DACH2: variants seen among roughly 807,000 people sequenced by gnomAD.
DACH2 encodes dachshund family transcription factor 2, also known as dachshund homolog 2.
In DACH2, 17 loss-of-function variants were observed where a neutral mutation model predicts 35.8. The ratio of observed to expected loss-of-function variants is 0.48; its 90% confidence interval spans 0.33 to 0.71. DACH2 has a LOEUF of 0.71. Among genes scored for constraint, DACH2 ranks in the 30% least tolerant of loss-of-function variants. DACH2 has a pLI of 0.02. For missense variants in DACH2, 469 were observed against 472.7 expected, an observed-to-expected ratio of 0.99 and a Z score of 0.07; for synonymous variants, 195 against 177.3, an observed-to-expected ratio of 1.10 and a Z score of -0.79.
chrX:86,535,976 C>T (rs910825507), intron 3 of DACH2, among the ~76,000 whole-genome samples: 3 of 110,751 alleles, frequency 2.7e-5, no homozygotes, highest in East Asian at 2.9e-4. Context: ...GACAGGATCT[C>T]ACAGGATTTT....
chrX:86,761,229 G>A (rs906342782), intron 7 of DACH2, among the ~76,000 whole-genome samples: 2 of 109,939 alleles, frequency 1.8e-5, no homozygotes, highest in Non-Finnish European at 3.8e-5. Context: ...AGTGTGTGAT[G>A]TTCCCCTCCC....
rs771098611 is a variant in DACH2, at chrX:86,494,958, A to C, written c.528-19321A>C. ...GAAACAGGTGAAATTAATTTTAACAAGTTTTGTTTAACCCAATATAGCCAA... is the reference window on the plus strand; with the variant it reads ...GAAACAGGTGAAATTAATTTTAACACGTTTTGTTTAACCCAATATAGCCAA... On this transcript the variant is annotated intron_variant, in intron 2 of 11. Transcript: ENST00000373125. Among the ~76,000 whole-genome samples the C allele has an allele frequency of 9.9e-4, 112 of 112,776 alleles. 1 individual carries two copies. The highest frequency in any genetic ancestry group is 3.3e-3 in the African/African-American group (103 of 31,159).
intron 7 of DACH2, among the ~76,000 whole-genome samples, chrX:86,784,145 A>T (rs914449233): frequency 2.8e-4 from 30 of 106,710 alleles, no homozygotes; most frequent in Admixed American, 1.4e-3. Flanking sequence ...GATAAAAATT[A>T]AAAAAAAAAC....
chrX:86,611,536 G>A (rs762988973), intron 3 of DACH2, among the ~76,000 whole-genome samples: 1 of 111,161 alleles, frequency 9.0e-6, no homozygotes, highest in Non-Finnish European at 1.9e-5. Context: ...AGTTTGTTTA[G>A]GGCCTCAGAT....
chrX:86,655,253 A>C (rs188248259), intron 4 of DACH2, among the ~76,000 whole-genome samples: 1 of 112,042 alleles, frequency 8.9e-6, no homozygotes, highest in Non-Finnish European at 1.9e-5. Context: ...GAGAAACATT[A>C]AAACTTTGTT....
At chrX:86,457,706 G>A (rs1022641419) in intron 2 of DACH2, among the ~76,000 whole-genome samples, 1 of 112,070 alleles carries the variant, frequency 8.9e-6, no homozygotes, top group Non-Finnish European at 1.9e-5. Flanking sequence ...AGTCAAGGGA[G>A]GAATGAGAAT....
At chrX:86,509,321 A>G (rs755211534) in intron 2 of DACH2, among the ~76,000 whole-genome samples, 1 of 112,135 alleles carries the variant, frequency 8.9e-6, no homozygotes, top group East Asian at 2.8e-4. Context: ...GAGCTGATTG[A>G]TGCCCAGTTT....
intron 2 of DACH2, among the ~76,000 whole-genome samples, chrX:86,494,136 A>T (rs961698080): frequency 3.6e-5 from 4 of 111,962 alleles, no homozygotes; most frequent in Non-Finnish European, 7.5e-5. Context: ...TGGCAGTGAA[A>T]CCTCTATGAT....
At chrX:86,729,096 G>A (rs747695420) in intron 6 of DACH2, among the ~76,000 whole-genome samples, 2 of 112,275 alleles carry the variant, frequency 1.8e-5, no homozygotes, top group Non-Finnish European at 3.8e-5. Context: ...ACAACAACCT[G>A]TGAGAGCAGC....
At chrX:86,661,779 G>A (rs1001941075) in intron 4 of DACH2, among the ~76,000 whole-genome samples, 1 of 112,010 alleles carries the variant, frequency 8.9e-6, no homozygotes, top group Non-Finnish European at 1.9e-5. Context: ...CATTTCCAAA[G>A]TGAATTTTGT....
At chrX:86,345,776 C>T (rs914907189) in intron 1 of DACH2, among the ~76,000 whole-genome samples, 17 of 111,497 alleles carry the variant, frequency 1.5e-4, no homozygotes, top group East Asian at 5.7e-4. Flanking sequence ...CAAAATGAGA[C>T]GGCCTTATCT....
intron 1 of DACH2, among the ~76,000 whole-genome samples, chrX:86,166,857 T>C (rs1436089933): frequency 8.9e-6 from 1 of 111,815 alleles, no homozygotes; most frequent in Non-Finnish European, 1.9e-5. Flanking sequence ...TGACATGATG[T>C]GTCAAAACGA....
intron 4 of DACH2, among the ~76,000 whole-genome samples, chrX:86,652,047 T>G (rs1278202018): frequency 8.9e-6 from 1 of 111,836 alleles, no homozygotes; most frequent in Non-Finnish European, 1.9e-5. Flanking sequence ...ACTTGGATAC[T>G]AAAGATAGTA....
intron 6 of DACH2, among the ~76,000 whole-genome samples, chrX:86,716,011 C>T (rs1219685047): frequency 9.0e-6 from 1 of 111,421 alleles, no homozygotes; most frequent in Non-Finnish European, 1.9e-5. Context: ...AAAGCATAAC[C>T]TTTGTAAGAA....
intron 1 of DACH2, among the ~76,000 whole-genome samples, chrX:86,197,465 C>A (rs1343100957): frequency 3.6e-5 from 4 of 111,005 alleles, no homozygotes; most frequent in Non-Finnish European, 7.6e-5. Context: ...TGATGAATGG[C>A]AAGTTGGATA....
At chrX:86,594,063 T>A (rs2039682573) in intron 3 of DACH2, among the ~76,000 whole-genome samples, 1 of 111,819 alleles carries the variant, frequency 8.9e-6, no homozygotes, top group Non-Finnish European at 1.9e-5. Flanking sequence ...TTTCTTCTTG[T>A]GTGAATTTTG....
chrX:86,277,429 T>C (rs1156426318), intron 1 of DACH2, among the ~76,000 whole-genome samples: 1 of 112,279 alleles, frequency 8.9e-6, no homozygotes, highest in Non-Finnish European at 1.9e-5. Flanking sequence ...AATGTGGTTA[T>C]GTTATACATC....
chrX:86,402,401 G>A (rs1015337556), intron 2 of DACH2, among the ~76,000 whole-genome samples: 2 of 111,642 alleles, frequency 1.8e-5, no homozygotes, highest in African/African-American at 6.5e-5. Flanking sequence ...CAGGCTGAGA[G>A]TCAAATCAGG....
At chrX:86,732,998 G>A (rs988491252) in intron 6 of DACH2, among the ~76,000 whole-genome samples, 3 of 111,324 alleles carry the variant, frequency 2.7e-5, no homozygotes, top group African/African-American at 9.8e-5. Context: ...TGAGCCTGAT[G>A]GGGGCTGGAG....
Sources: allele counts gnomAD v4.1 joint callset (sites outside exome capture counted in the v4.1 genomes callset), GRCh38; gene constraint gnomAD v4.1.1; transcripts MANE v1.5; gene names NCBI Gene and HGNC (gene_info 2026-07-23, HGNC 2026-07-21).